ABRAXAS1: variants seen among roughly 807,000 people sequenced by gnomAD.
ABRAXAS1 encodes BRCA1-A complex subunit Abraxas 1.
A neutral mutation model predicts 38.4 loss-of-function variants in ABRAXAS1; 26 were observed. The observed-to-expected ratio is 0.68, with a 90% CI of 0.50 to 0.94. The LOEUF (loss-of-function observed/expected upper bound fraction) is 0.94. ABRAXAS1 is among the 40% of genes least tolerant of loss of function. The probability of loss-of-function intolerance (pLI) is 0.00; values close to 1 mark genes in which losing one functional copy is unlikely to be tolerated. For synonymous variants in ABRAXAS1, 144 were observed against 165.5 expected (o/e 0.87, Z 1.00); for missense variants, 438 against 481.9 (o/e 0.91, Z 0.85).
chr4:83,477,775 T>A (rs773053004), intron 2 of ABRAXAS1: 1 of 711,968 alleles, frequency 1.4e-6, no homozygotes, highest in Non-Finnish European at 2.6e-6. Flanking sequence ...GAATTGCTCC[T>A]GTTTTGCAAA....
At chr4:83,467,256 T>G in intron 7 of ABRAXAS1, 198 bp downstream of exon 7, 1 of 445,948 alleles carries the variant, frequency 2.2e-6, no homozygotes, top group Non-Finnish European at 4.0e-6. Flanking sequence ...AAAATACATA[T>G]AGGTTTGTGT....
rs1046873224 is a variant in ABRAXAS1, at chr4:83,470,237, G to A, written c.442C>T (p.Arg148Ter). 15 of 1,613,370 alleles carry A rather than the reference G, an allele frequency of 9.3e-6. No individual in the cohort carries two copies. Among genetic ancestry groups the A allele is most frequent in the Admixed American group, 1.7e-5 (1 of 59,952 alleles). Residue 148 changes from arginine (R) to a stop codon, truncating the protein, a stop_gained, in exon 5 of 9, where the codon CGA (arginine) becomes TGA (stop). Coordinates refer to ENST00000321945, the MANE Select transcript of ABRAXAS1 (RefSeq NM_139076.3). LOFTEE classifies it high-confidence loss of function. The stretch of plus-strand genomic sequence containing the variant: ...GGTTTATATAAGGAATGTTCCAGTC[G>A]ATGAGTAGAGCAGCTTTCTGTTATT... Reference protein sequence around the residue: ...SIITESCSTHRLEHSLYKPQK... With the variant: ...SIITESCSTH
At chr4:83,484,649 G>A (rs1723115385) in intron 1 of ABRAXAS1, among the ~76,000 whole-genome samples, 1 of 152,384 alleles carries the variant, frequency 6.6e-6, no homozygotes, top group Non-Finnish European at 1.5e-5. Context: ...AGGCTCCGCA[G>A]AGCAGCGGAA....
At position 83,463,472 on chromosome 4, in the gene ABRAXAS1, TAG is replaced by T. The variant is rs746513523; in HGVS notation, c.796+20_796+21del. 8.9e-6 allele frequency: 13 copies of T among 1,464,302 alleles called. No homozygotes were observed. In the South Asian group the frequency reaches 1.6e-4, roughly 18 times the overall value. The allele number at this position is 1,464,302 out of a possible 1,614,324, so 90.7% of individuals were successfully genotyped here. A position where few individuals can be genotyped will look rare whatever the true frequency, so the allele number is the denominator to read the frequency against. ...AAATAAAAATTTTTAGCACAGAAAGTAGAGATGTGTTGTTTACTTACTTGCTG... is the reference window on the plus strand; with the variant it reads ...AAATAAAAATTTTTAGCACAGAAAGTAGATGTGTTGTTTACTTACTTGCTG... On this transcript the variant is annotated intron_variant, in intron 8 of 8. Transcript: ENST00000321945.
Position 83,472,277 on chromosome 4 carries a change from G to T in ABRAXAS1, c.227C>A (p.Ser76Tyr). Residue 76 changes from serine (S) to tyrosine (Y), a missense_variant, in exon 4 of 9, where the codon TCT becomes TAT. Physicochemically the swap from Ser to Tyr is moderately radical, Grantham distance 144 (BLOSUM62 -2). Transcript: ENST00000321945. The stretch of plus-strand genomic sequence containing the variant: ...TGCTTGCTCATTTACTTCGCCTGAA[G>T]AATTATAAAAGCTGTAAAAGCCAAA... The part of the protein sequence containing the change: ...PCYQLFSFYN[S>Y]SGEVNEQALK... 1 of 1,516,752 alleles carries T rather than the reference G, an allele frequency of 6.6e-7. No homozygotes were observed. The highest frequency in any genetic ancestry group is 1.3e-5 in the South Asian group (1 of 75,722). The allele number at this position is 1,516,752 out of a possible 1,614,324, so 94.0% of individuals were successfully genotyped here.
intron 3 of ABRAXAS1, among the ~76,000 whole-genome samples, chr4:83,476,325 A>G (rs1323985335): frequency 6.6e-6 from 1 of 152,248 alleles, no homozygotes; most frequent in South Asian, 2.1e-4. Context: ...TTGATGATGT[A>G]TAAGAACACT....
chr4:83,481,911 G>A (rs575618110), intron 2 of ABRAXAS1, among the ~76,000 whole-genome samples: 27 of 152,006 alleles, frequency 1.8e-4, no homozygotes, highest in African/African-American at 5.5e-4. Flanking sequence ...CACTACACCT[G>A]GCTAATTTTT....
intron 3 of ABRAXAS1, among the ~76,000 whole-genome samples, chr4:83,474,709 T>A (rs1388493618): frequency 7.3e-6 from 1 of 136,682 alleles, no homozygotes; most frequent in African/African-American, 2.9e-5. Context: ...CAAGACTCTG[T>A]CTCAAAAAAA....
In ABRAXAS1 at chr4:83,485,095, C is replaced by G; in HGVS notation, c.-23G>C. On this transcript the variant is annotated 5_prime_UTR_variant, in exon 1 of 9. Transcript: ENST00000321945. ...CATGCTACCGCCGCCTCAGGCTACA[C>G]AAGAGGACGAGGGCGGGGCGCGCGG... The G allele has an allele frequency of 6.4e-7, 1 of 1,558,154 alleles. No homozygotes were observed. Among genetic ancestry groups the G allele is most frequent in the East Asian group, 2.5e-5 (1 of 40,084 alleles).
chr4:83,474,712 CAAAAA>C (rs34119977), intron 3 of ABRAXAS1, among the ~76,000 whole-genome samples: 1 of 100,636 alleles, frequency 9.9e-6, no homozygotes, highest in Non-Finnish European at 2.2e-5. Context: ...GACTCTGTCT[CAAAAA>C]AAAAAAAAAA....
In ABRAXAS1 at chr4:83,461,514, T is replaced by C. The variant is rs1479778839; in HGVS notation, c.*955A>G. The stretch of plus-strand genomic sequence containing the variant: ...TGATTTTCCAACTAGCAAATATAAG[T>C]ATGCCTGGTTAAGATATCTTCCCTT... On this transcript the variant is annotated 3_prime_UTR_variant, in exon 9 of 9. Coordinates refer to ENST00000321945, the MANE Select transcript of ABRAXAS1 (RefSeq NM_139076.3). 2 of 332,878 alleles carry C rather than the reference T, an allele frequency of 6.0e-6. No homozygotes were observed. Among genetic ancestry groups the C allele is most frequent in the East Asian group, 4.5e-5 (1 of 22,212 alleles). The allele number at this position is 332,878 out of a possible 1,614,324, so 20.6% of individuals were successfully genotyped here. A position where few individuals can be genotyped will look rare whatever the true frequency, so the allele number is the denominator to read the frequency against.
chr4:83,477,593 C>A, intron 2 of ABRAXAS1: 1 of 493,734 alleles, frequency 2.0e-6, no homozygotes. Flanking sequence ...TGACGCCTTG[C>A]CTCTATCACT....
chr4:83,478,047 T>A, intron 2 of ABRAXAS1: 1 of 979,018 alleles, frequency 1.0e-6, no homozygotes, highest in South Asian at 1.3e-5. Flanking sequence ...TGGAGGAGTG[T>A]GGTTCCAACT....
chr4:83,462,996 T>G, intron 8 of ABRAXAS1, 94 bp from the exon 9 acceptor site: 1 of 843,484 alleles, frequency 1.2e-6, no homozygotes, highest in African/African-American at 1.7e-5. Context: ...TCAAAAAGAT[T>G]TTAACAGTTG....
Position 83,485,073 on chromosome 4 carries a change from G to C in ABRAXAS1, c.-1C>G. On this transcript the variant is annotated 5_prime_UTR_variant, in exon 1 of 9. Coordinates refer to ENST00000321945, the MANE Select transcript of ABRAXAS1 (RefSeq NM_139076.3). The stretch of plus-strand genomic sequence containing the variant: ...CCGCCGACGTACTCTCCCCCTCCAT[G>C]CTACCGCCGCCTCAGGCTACACAAG... 6.3e-7 allele frequency: 1 copy of C among 1,586,456 alleles called. No individual in the cohort carries two copies. Among genetic ancestry groups the C allele is most frequent in the South Asian group, 1.1e-5 (1 of 88,232 alleles).
At chr4:83,479,329 G>A (rs986281648) in intron 2 of ABRAXAS1, 12 of 151,018 alleles carry the variant, frequency 7.9e-5, no homozygotes, top group Admixed American at 6.6e-5. Context: ...ACTTGAACCC[G>A]GGAAGCAGAG....
Position 83,482,204 on chromosome 4 carries a change from T to C in ABRAXAS1, c.128A>G (p.Asn43Ser), listed in dbSNP as rs1351365150. The change falls in exon 2 of 9, where the codon AAC becomes AGC. Residue 43 changes from asparagine (N) to serine (S), a missense_variant. Around this residue, in one of 3 missense-constraint regions of ABRAXAS1, gnomAD observed 194 missense variants for 269.0 expected, o/e 0.72. Coordinates refer to ENST00000321945, the MANE Select transcript of ABRAXAS1 (RefSeq NM_139076.3). ...ATCCATTTGGGAATCAGTAATGCTG[T>C]TCTTGGCTTCACCTTTTACTTCCCC... ...LLGEVKGEAK[N>S]SITDSQMDDV... 6.2e-7 allele frequency: 1 copy of C among 1,612,724 alleles called. No homozygotes were observed. Among genetic ancestry groups the C allele is most frequent in the Non-Finnish European group, 8.5e-7 (1 of 1,179,574 alleles).
In ABRAXAS1 at chr4:83,459,852, A is replaced by G; in HGVS notation, c.*2617T>C. The G allele has an allele frequency of 2.1e-6, 3 of 1,423,654 alleles. No individual in the cohort carries two copies. The highest frequency in any genetic ancestry group is 2.9e-6 in the Non-Finnish European group (3 of 1,033,054). The allele number at this position is 1,423,654 out of a possible 1,614,324, so 88.2% of individuals were successfully genotyped here. The stretch of plus-strand genomic sequence containing the variant: ...ATGTAGATACGAATTATATCAATCT[A>G]TTTCTATCATTTAAGAAAACTCAAA... On this transcript the variant is annotated 3_prime_UTR_variant, in exon 9 of 9. Transcript: ENST00000321945.
Position 83,461,645 on chromosome 4 carries a change from G to T in ABRAXAS1, c.*824C>A. 1 of 269,870 alleles carries T rather than the reference G, an allele frequency of 3.7e-6. No homozygotes were observed. Among genetic ancestry groups the T allele is most frequent in the South Asian group, 9.6e-5 (1 of 10,412 alleles). The allele number at this position is 269,870 out of a possible 1,614,324, so 16.7% of individuals were successfully genotyped here. The stretch of plus-strand genomic sequence containing the variant: ...AGTAGTGTCTTTTACATGAAGAGAT[G>T]ATTTACACCTAATAGACATTGAATA... On this transcript the variant is annotated 3_prime_UTR_variant, in exon 9 of 9. Transcript: ENST00000321945.
Sources: allele counts gnomAD v4.1 joint callset (sites outside exome capture counted in the v4.1 genomes callset), GRCh38; gene constraint gnomAD v4.1.1; regional missense constraint gnomAD v4.1.1; transcripts MANE v1.5; gene names NCBI Gene and HGNC (gene_info 2026-07-23, HGNC 2026-07-21).